Variants in RBFOX1 observed in about 807,000 individuals in gnomAD.
The protein encoded by RBFOX1 is RNA binding fox-1 homolog 1, also known as RNA binding protein fox-1 homolog 1.
RBFOX1 carries 8 observed loss-of-function variants against 57.7 expected under a neutral mutation model. That is an observed-to-expected ratio of 0.14 (90% confidence interval 0.08 to 0.25). RBFOX1 has a LOEUF of 0.25. RBFOX1 is among the 10% of genes least tolerant of loss of function. RBFOX1 has a pLI of 1.00. For synonymous variants in RBFOX1, 326 were observed against 222.4 expected (o/e 1.47, Z -4.15); for missense variants, 611 against 548.5 (o/e 1.11, Z -1.14).
At chr16:6,078,668 A>G (rs2095949332) in intron 1 of RBFOX1, among the ~76,000 whole-genome samples, 1 of 126,370 alleles carries the variant, frequency 7.9e-6, no homozygotes, top group African/African-American at 2.5e-5. Context: ...GGCTGAGACA[A>G]GGCAGGGCAT....
intron 2 of RBFOX1, among the ~76,000 whole-genome samples, chr16:6,423,949 G>A (rs1004381251): frequency 2.0e-5 from 3 of 152,092 alleles, no homozygotes; most frequent in South Asian, 2.1e-4. Context: ...TGTATGAAGT[G>A]CCAGTTGTGT....
intron 2 of RBFOX1, among the ~76,000 whole-genome samples, chr16:6,582,731 G>A (rs956375744): frequency 2.7e-5 from 4 of 146,876 alleles, no homozygotes; most frequent in Admixed American, 6.8e-5. Context: ...TCTCCTGACC[G>A]CTCCTTCCTC....
intron 3 of RBFOX1, among the ~76,000 whole-genome samples, chr16:5,639,280 C>A (rs543024394): frequency 5.8e-4 from 89 of 152,318 alleles, no homozygotes; most frequent in African/African-American, 1.9e-3. Flanking sequence ...GATTAAAAAA[C>A]CACATAAAGG....
intron 3 of RBFOX1, among the ~76,000 whole-genome samples, chr16:6,820,152 C>T (rs545361873): frequency 8.5e-5 from 13 of 152,200 alleles, no homozygotes; most frequent in East Asian, 3.9e-4. Flanking sequence ...TCTTGCCTGC[C>T]GCCATATAAG....
chr16:7,450,908 C>T (rs1004983977), intron 4 of RBFOX1, among the ~76,000 whole-genome samples: 2 of 152,138 alleles, frequency 1.3e-5, no homozygotes, highest in Admixed American at 6.5e-5. Context: ...CATGCATCCA[C>T]AGCGTAGGTT....
At chr16:7,599,881 C>T (rs1033350545) in intron 9 of RBFOX1, among the ~76,000 whole-genome samples, 2 of 151,714 alleles carry the variant, frequency 1.3e-5, no homozygotes, top group Non-Finnish European at 2.9e-5. Flanking sequence ...AAGTGATGTG[C>T]CTGTCTTGGC....
rs1165919401 is a variant in RBFOX1, at chr16:5,998,538, A to C, written c.351+131203A>C. The stretch of plus-strand genomic sequence containing the variant: ...AAGATGATGTAGTTGTTTTTCTTTG[A>C]GTGAAATGTATGTGGATGCCCAGCA... On this transcript the variant is annotated intron_variant, in intron 4 of 19. Transcript: ENST00000641259. 5.9e-5 allele frequency among the ~76,000 whole-genome samples: 9 copies of C among 152,240 alleles called. No homozygotes were observed. The East Asian group carries it at 1.7e-3, about 29-fold the overall frequency.
chr16:6,336,170 T>C (rs1599761060), intron 2 of RBFOX1, among the ~76,000 whole-genome samples: 1 of 25,154 alleles, frequency 4.0e-5, no homozygotes, highest in East Asian at 8.4e-4. Flanking sequence ...TATATATATA[T>C]ATATATATAT....
chr16:6,177,899 A>G (rs2097025909), intron 1 of RBFOX1, among the ~76,000 whole-genome samples: 1 of 144,458 alleles, frequency 6.9e-6, no homozygotes, highest in Non-Finnish European at 1.5e-5. Context: ...AACTTGAAAT[A>G]GCTCCTGCAT....
chr16:7,522,234 T>C (rs1346558419), intron 5 of RBFOX1, among the ~76,000 whole-genome samples: 1 of 152,132 alleles, frequency 6.6e-6, no homozygotes, highest in African/African-American at 2.4e-5. Flanking sequence ...GAACCTTTTG[T>C]ACAAAGAAGC....
Position 7,029,253 on chromosome 16 carries a change from C to T in RBFOX1, c.-15-22804C>T, listed in dbSNP as rs1397722070. ...ATATATACGTATACGTATATATATA[C>T]ACACATATATATACGTATACGTATA... On this transcript the variant is annotated intron_variant, in intron 3 of 15. Transcript: ENST00000550418. Among the ~76,000 whole-genome samples, 82 of 18,018 alleles carry T rather than the reference C, an allele frequency of 4.6e-3. 4 individuals are homozygous for T. The highest frequency in any genetic ancestry group is 0.014 in the South Asian group (5 of 366). The allele number at this position is 18,018 out of a possible 152,430, so 11.8% of individuals were successfully genotyped here.
At chr16:6,996,405 A>G (rs372524348) in intron 3 of RBFOX1, among the ~76,000 whole-genome samples, 3 of 152,248 alleles carry the variant, frequency 2.0e-5, no homozygotes, top group Non-Finnish European at 1.5e-5. Context: ...GTGTGCATGT[A>G]TAGGTATCTG....
intron 4 of RBFOX1, among the ~76,000 whole-genome samples, chr16:7,276,425 C>G (rs2095441546): frequency 6.6e-6 from 1 of 152,180 alleles, no homozygotes; most frequent in Admixed American, 6.6e-5. Context: ...ATTAGAATGA[C>G]AAAAGACTCT....
chr16:5,447,162 C>T (rs1378556268), intron 1 of RBFOX1, among the ~76,000 whole-genome samples: 1 of 152,128 alleles, frequency 6.6e-6, no homozygotes. Context: ...GCAGCCACCC[C>T]CTCCCCACCT....
intron 2 of RBFOX1, among the ~76,000 whole-genome samples, chr16:6,401,173 C>T (rs1485408591): frequency 6.6e-6 from 1 of 152,076 alleles, no homozygotes; most frequent in Non-Finnish European, 1.5e-5. Context: ...GCCAGAAAGT[C>T]AGGAATATCA....
chr16:5,908,137 CAT>C (rs1209168345), intron 4 of RBFOX1, among the ~76,000 whole-genome samples: 2 of 131,058 alleles, frequency 1.5e-5, no homozygotes, highest in African/African-American at 7.6e-5. Context: ...TATATATACA[CAT>C]ATATACACAT....
chr16:5,475,570 A>T (rs1216529235), intron 2 of RBFOX1, among the ~76,000 whole-genome samples: 1 of 152,232 alleles, frequency 6.6e-6, no homozygotes, highest in Non-Finnish European at 1.5e-5. Context: ...TGACATAGGT[A>T]TAGTAATAGG....
intron 4 of RBFOX1, among the ~76,000 whole-genome samples, chr16:7,447,976 G>A (rs1204683871): frequency 1.3e-5 from 2 of 152,134 alleles, no homozygotes; most frequent in East Asian, 3.9e-4. Context: ...AGGATCTCTG[G>A]GGTTGGGATG....
At chr16:6,838,170 C>G (rs1183190929) in intron 3 of RBFOX1, among the ~76,000 whole-genome samples, 1 of 152,098 alleles carries the variant, frequency 6.6e-6, no homozygotes, top group African/African-American at 2.4e-5. Flanking sequence ...TAATGCTCTA[C>G]CTCCCCTTGC....
Sources: allele counts gnomAD v4.1 joint callset (sites outside exome capture counted in the v4.1 genomes callset), GRCh38; gene constraint gnomAD v4.1.1; transcripts MANE v1.5; gene names NCBI Gene and HGNC (gene_info 2026-07-23, HGNC 2026-07-21).